CNTNAP2: variants seen among roughly 807,000 people sequenced by gnomAD.
The protein encoded by CNTNAP2 is contactin associated protein 2, also known as contactin-associated protein-like 2.
In CNTNAP2, 98 loss-of-function variants were observed where a neutral mutation model predicts 155.2. The ratio of observed to expected loss-of-function variants is 0.63; its 90% CI spans 0.54 to 0.75. The LOEUF (loss-of-function observed/expected upper bound fraction) is 0.75, where lower values mean the gene tolerates loss of function less well. Ranked by LOEUF, CNTNAP2 falls within the 30% of genes least tolerant of loss-of-function variation. The pLI is 0.00. For synonymous variants in CNTNAP2, 651 were observed against 631.2 expected (o/e 1.03, Z -0.47); for missense variants, 1,727 against 1,688.1 (o/e 1.02, Z -0.40).
At chr7:147,721,461 A>G (rs1796565403) in intron 13 of CNTNAP2, among the ~76,000 whole-genome samples, 1 of 152,026 alleles carries the variant, frequency 6.6e-6, no homozygotes, top group South Asian at 2.1e-4. Context: ...AAAGGGTGGC[A>G]TTTGTGGTGT....
At chr7:148,331,886 G>C (rs1159053071) in intron 21 of CNTNAP2, among the ~76,000 whole-genome samples, 1 of 152,084 alleles carries the variant, frequency 6.6e-6, no homozygotes, top group East Asian at 1.9e-4. Context: ...GATCACGTTC[G>C]GTAAGTTGTG....
intron 3 of CNTNAP2, among the ~76,000 whole-genome samples, chr7:146,996,397 A>AC (rs1200523389): frequency 5.9e-5 from 9 of 151,892 alleles, no homozygotes; most frequent in Admixed American, 5.9e-4. Flanking sequence ...TGTTTCACCA[A>AC]TTTTTCATAA....
chr7:146,260,925 C>T (rs1168745622), intron 1 of CNTNAP2, among the ~76,000 whole-genome samples: 1 of 152,104 alleles, frequency 6.6e-6, no homozygotes, highest in Non-Finnish European at 1.5e-5. Context: ...TGTGTTCCCA[C>T]CCAAATCTCA....
rs180939329 is a variant in CNTNAP2 at position 147,789,658 on chromosome 7, G to A, written c.2099-113907G>A. Among the ~76,000 whole-genome samples the A allele has an allele frequency of 3.3e-5, 5 of 152,330 alleles. No homozygotes were observed. The East Asian group carries it at 7.7e-4, about 24-fold the overall frequency. ...TAACATTTGAGTCAGTGGACTGGGA[G>A]CGAAAGTCTCCCAGTGTGTGGGCAC... On this transcript the variant is annotated intron_variant, in intron 13 of 23. Coordinates refer to ENST00000361727, the MANE Select transcript of CNTNAP2 (RefSeq NM_014141.6).
intron 1 of CNTNAP2, among the ~76,000 whole-genome samples, chr7:146,121,331 A>T (rs141686632): frequency 1.3e-5 from 2 of 152,028 alleles, no homozygotes; most frequent in East Asian, 3.9e-4. Flanking sequence ...TGATTGAAAG[A>T]GAAGAAATGT....
chr7:146,200,183 A>G (rs1232106316), intron 1 of CNTNAP2, among the ~76,000 whole-genome samples: 1 of 152,150 alleles, frequency 6.6e-6, no homozygotes, highest in East Asian at 1.9e-4. Context: ...ACTTCCACAT[A>G]CACAAGGATG....
chr7:146,654,695 A>G (rs1202568205), intron 1 of CNTNAP2, among the ~76,000 whole-genome samples: 1 of 152,148 alleles, frequency 6.6e-6, no homozygotes, highest in Non-Finnish European at 1.5e-5. Context: ...ACTTTCCTGA[A>G]TGAAATGATT....
In CNTNAP2 at chr7:147,654,280, T is replaced by A. The variant is rs114746562; in HGVS notation, c.2098+14974T>A. On this transcript the variant is annotated intron_variant, in intron 13 of 23. Transcript: ENST00000361727. ...AATATAGTAAAAAATTATAATATAC[T>A]TTTTTGGCATCGGAATGTTCTAAAA... Among the ~76,000 whole-genome samples the A allele has an allele frequency of 7.5e-3, 1,139 of 152,296 alleles. 18 individuals carry two copies. The highest frequency in any genetic ancestry group is 0.026 in the African/African-American group (1,062 of 41,556).
intron 1 of CNTNAP2, among the ~76,000 whole-genome samples, chr7:146,136,281 T>A (rs1249397849): frequency 1.3e-5 from 2 of 152,186 alleles, no homozygotes; most frequent in Non-Finnish European, 2.9e-5. Context: ...CTGCCAATAG[T>A]CTTGTTATCC....
chr7:146,636,500 A>T (rs1423550440), intron 1 of CNTNAP2, among the ~76,000 whole-genome samples: 1 of 152,176 alleles, frequency 6.6e-6, no homozygotes, highest in Non-Finnish European at 1.5e-5. Flanking sequence ...TTTGCCTCTT[A>T]TAATTCTGTG....
chr7:146,781,835 A>G (rs1802496185), intron 2 of CNTNAP2, among the ~76,000 whole-genome samples: 1 of 152,134 alleles, frequency 6.6e-6, no homozygotes, highest in South Asian at 2.1e-4. Context: ...AATTAAATCT[A>G]GAACTGCAGC....
intron 1 of CNTNAP2, among the ~76,000 whole-genome samples, chr7:146,398,551 T>A (rs1296112344): frequency 6.6e-6 from 1 of 152,098 alleles, no homozygotes; most frequent in Non-Finnish European, 1.5e-5. Context: ...CCAAACAACA[T>A]CAACCGGAAT....
chr7:146,406,985 G>T (rs958979027), intron 1 of CNTNAP2, among the ~76,000 whole-genome samples: 4 of 152,172 alleles, frequency 2.6e-5, no homozygotes, highest in African/African-American at 9.7e-5. Flanking sequence ...CACTTTCTAA[G>T]TAAACATGGT....
At chr7:146,135,449 T>A (rs1019868506) in intron 1 of CNTNAP2, among the ~76,000 whole-genome samples, 1 of 152,118 alleles carries the variant, frequency 6.6e-6, no homozygotes, top group Non-Finnish European at 1.5e-5. Flanking sequence ...AGTTTTTAAA[T>A]CTATGATTCT....
chr7:146,878,039 T>C (rs1293760802), intron 3 of CNTNAP2, among the ~76,000 whole-genome samples: 1 of 152,172 alleles, frequency 6.6e-6, no homozygotes, highest in African/African-American at 2.4e-5. Context: ...CATTTTAAAA[T>C]GTCTCCTGGA....
chr7:147,173,525 G>A (rs1256677214), intron 8 of CNTNAP2, among the ~76,000 whole-genome samples: 1 of 152,142 alleles, frequency 6.6e-6, no homozygotes, highest in Non-Finnish European at 1.5e-5. Context: ...TCATCAGGAT[G>A]TTGCTACCAG....
rs1805217743 is a variant in CNTNAP2 at position 148,147,709 on chromosome 7, G to C, written c.2773G>C (p.Gly925Arg). ...RLELYSQLFVGGAGGQQGFLG... is the reference protein window; with the variant it reads ...RLELYSQLFVRGAGGQQGFLG... ...GGAGCTCTACAGCCAGTTATTTGTG[G>C]GTAAGTAATGGAAAGGTAACCATGG... The change falls in exon 17 of 24, where the codon GGT becomes CGT. Residue 925 changes from glycine to arginine, a missense_variant and splice_region_variant. Transcript: ENST00000361727. 6.2e-7 allele frequency: 1 copy of C among 1,613,164 alleles called. No individual in the cohort carries two copies. Among genetic ancestry groups the C allele is most frequent in the Non-Finnish European group, 8.5e-7 (1 of 1,179,956 alleles).
intron 8 of CNTNAP2, among the ~76,000 whole-genome samples, chr7:147,200,470 A>C (rs560262938): frequency 6.6e-6 from 1 of 152,284 alleles, no homozygotes; most frequent in Admixed American, 6.5e-5. Context: ...TTCAGGAGAG[A>C]GGTCTCAAGC....
At chr7:148,018,684 G>A (rs1339958410) in intron 15 of CNTNAP2, among the ~76,000 whole-genome samples, 1 of 152,218 alleles carries the variant, frequency 6.6e-6, no homozygotes. Context: ...CCCGGATACA[G>A]GTATCCCGGA....
Sources: gnomAD v4.1 joint callset for allele counts (sites outside exome capture counted in the v4.1 genomes callset) on GRCh38, gnomAD v4.1.1 for gene constraint, MANE v1.5 for transcripts, NCBI Gene and HGNC (gene_info 2026-07-23, HGNC 2026-07-21) for gene names.